The following NMUR1 variants were observed in gnomAD, a reference collection of about 807,000 sequenced individuals.
The protein encoded by NMUR1 is neuromedin-U receptor 1.
Under a neutral mutation model 18.8 loss-of-function variants are expected in NMUR1, and 16 were observed. That is an observed-to-expected ratio of 0.85 (90% confidence interval 0.58 to 1.29). NMUR1 has a LOEUF of 1.29. Ranked by LOEUF, NMUR1 falls within the 50% of genes most tolerant of loss-of-function variation. NMUR1 has a pLI of 0.00. For synonymous variants in NMUR1, 258 were observed against 258.2 expected (o/e 1.00, Z 0.01); for missense variants, 529 against 580.3 (o/e 0.91, Z 0.91).
chr2:231,529,022 G>A lies in NMUR1; in HGVS notation c.4-5C>T. 2 of 1,590,280 alleles carry A rather than the reference G, an allele frequency of 1.3e-6. No individual in the cohort carries two copies. Among genetic ancestry groups the A allele is most frequent in the Non-Finnish European group, 1.7e-6 (2 of 1,165,788 alleles). On this transcript the variant is annotated splice_polypyrimidine_tract_variant and splice_region_variant and intron_variant, in intron 1 of 2. Transcript: ENST00000305141. ...GCAATTGAGGCAGAGAGGAGTCTGT[G>A]GAACAGAGGGGAGAGATGCCCAGAA...
chr2:231,518,765 T>A (rs184549458), downstream of NMUR1, among the ~76,000 whole-genome samples: 18 of 152,320 alleles, frequency 1.2e-4, no homozygotes, highest in East Asian at 3.3e-3. Flanking sequence ...GCCAGGGAAG[T>A]CCACGCGCCA....
Position 231,530,441 on chromosome 2 carries a change from C to A in NMUR1, c.-80G>T. The A allele has an allele frequency of 1.4e-6, 2 of 1,394,040 alleles. No homozygotes were observed. Among genetic ancestry groups the A allele is most frequent in the South Asian group, 1.5e-5 (1 of 66,278 alleles). The allele number at this position is 1,394,040 out of a possible 1,614,324, so 86.4% of individuals were successfully genotyped here. A position where few individuals can be genotyped will look rare whatever the true frequency, so the allele number is the denominator to read the frequency against. On this transcript the variant is annotated 5_prime_UTR_variant, in exon 1 of 3. Transcript: ENST00000305141. ...CGCGGCGCGGGAGCCAGTGGACTGA[C>A]TGACAGCGGCCCCAGCCCGCGCCCC...
intron 2 of NMUR1, among the ~76,000 whole-genome samples, chr2:231,527,000 G>A (rs749780200): frequency 3.9e-5 from 6 of 152,072 alleles, no homozygotes; most frequent in African/African-American, 7.2e-5. Flanking sequence ...GACACGCCTC[G>A]GGATGGGGCT....
At position 231,528,124 on chromosome 2, in the gene NMUR1, C is replaced by T; in HGVS notation, c.897G>A (p.Leu299=). Residue 299 remains leucine, a splice_region_variant and synonymous_variant, in exon 2 of 3, where the codon CTG becomes CTA. Transcript: ENST00000305141. Reference sequence around the variant, plus strand: ...CCTCTTCCCAGCCGTGACACTTACACAGCATCTTGGTCACTTGTCTCCGGC... The same window carrying T: ...CCTCTTCCCAGCCGTGACACTTACATAGCATCTTGGTCACTTGTCTCCGGC... The part of the protein sequence containing the change: ...DRGRRQVTKM[L]FVLVVVFGIC... 1 of 1,543,052 alleles carries T rather than the reference C, an allele frequency of 6.5e-7. No homozygotes were observed. The highest frequency in any genetic ancestry group is 8.7e-7 in the Non-Finnish European group (1 of 1,143,264).
chr2:231,528,402 C>T lies in NMUR1; in HGVS notation c.619G>A (p.Val207Met), dbSNP rs768376009. Reference sequence around the variant, plus strand: ...TCTGGCACTGGGCCCCGGCAGGGCACGTGCAGCTGCCGGATGCCGTGCAGG... The same window carrying T: ...TCTGGCACTGGGCCCCGGCAGGGCATGTGCAGCTGCCGGATGCCGTGCAGG... The part of the protein sequence containing the change: ...TSLHGIRQLH[V>M]PCRGPVPDSA... Residue 207 changes from valine (V) to methionine (M), a missense_variant, in exon 2 of 3, where the codon GTG becomes ATG. Physicochemically the swap from Val to Met is conservative, Grantham distance 21. Coordinates refer to ENST00000305141, the MANE Select transcript of NMUR1 (RefSeq NM_006056.5). 7.4e-6 allele frequency: 12 copies of T among 1,613,696 alleles called. No individual in the cohort carries two copies. In the East Asian group the frequency reaches 1.8e-4, roughly 24 times the overall value.
chr2:231,523,423 C>CT lies in NMUR1; in HGVS notation c.*1619_*1620insA, dbSNP rs34275609. The CT allele has an allele frequency of 0.3, 100,516 of 337,376 alleles. 16,420 individuals are homozygous for CT. The highest frequency in any genetic ancestry group is 0.51 in the East Asian group (12,991 of 25,642). The allele number at this position is 337,376 out of a possible 1,614,324, so 20.9% of individuals were successfully genotyped here. On this transcript the variant is annotated 3_prime_UTR_variant, in exon 3 of 3. Coordinates refer to ENST00000305141, the MANE Select transcript of NMUR1 (RefSeq NM_006056.5). ...AAGAACTCCTCACTTGCCCTTCCCC[C>CT]ATTCCCTGGCAAGAGAGGTTTTACA...
intron 1 of NMUR1, among the ~76,000 whole-genome samples, chr2:231,529,892 G>GT (rs1428697627): frequency 6.6e-6 from 1 of 152,268 alleles, no homozygotes; most frequent in Non-Finnish European, 1.5e-5. Flanking sequence ...TGAGAGTCAA[G>GT]TGAGGGAGTG....
In NMUR1 at chr2:231,525,265, G is replaced by A. The variant is rs766587624; in HGVS notation, c.1059C>T (p.Pro353=). 1.9e-5 allele frequency: 30 copies of A among 1,614,054 alleles called. No individual in the cohort carries two copies. The highest frequency in any genetic ancestry group is 4.5e-5 in the East Asian group (2 of 44,880). The change falls in exon 3 of 3, where the codon CCC becomes CCT. Residue 353 remains proline (P), a synonymous_variant. Transcript: ENST00000305141. ...IFFYLGSAAN[P]VLYSLMSSRF... ...GGCTGGACATGAGGCTATAGAGCAC[G>A]GGGTTGGCCGCCGAGCCCAGGTAGA...
At chr2:231,522,284 C>T (rs2047312304), downstream of NMUR1, among the ~76,000 whole-genome samples, 1 of 136,070 alleles carries the variant, frequency 7.3e-6, no homozygotes, top group Admixed American at 8.1e-5. Context: ...CATGCCCGGC[C>T]CAGAGGGCAC....
At position 231,525,070 on chromosome 2, in the gene NMUR1, C is replaced by T; in HGVS notation, c.1254G>A (p.Glu418=). 6.3e-7 allele frequency: 1 copy of T among 1,596,066 alleles called. No homozygotes were observed. The highest frequency in any genetic ancestry group is 1.3e-5 in the African/African-American group (1 of 74,852). ...VHPLAGNDGP[E]AQQETDPS is the part of the protein sequence containing the mutation. The stretch of plus-strand genomic sequence containing the variant: ...AGGATGGATCGGTCTCTTGCTGCGC[C>T]TCTGGGCCATCGTTCCCAGCCAGGG... The change falls in exon 3 of 3, where the codon GAG becomes GAA. Residue 418 remains glutamate (E), a synonymous_variant. Coordinates refer to ENST00000305141, the MANE Select transcript of NMUR1 (RefSeq NM_006056.5).
Position 231,528,328 on chromosome 2 carries a change from T to C in NMUR1, c.693A>G (p.Val231=). ...LVRPRALYNM[V]VQTTALLFFC... is the part of the protein sequence containing the mutation. ...AGAAGAGCAGCGCGGTGGTCTGCACTACCATGTTGTAGAGGGCCCGTGGGC... is the reference window on the plus strand; with the variant it reads ...AGAAGAGCAGCGCGGTGGTCTGCACCACCATGTTGTAGAGGGCCCGTGGGC... Residue 231 remains valine, a synonymous_variant, in exon 2 of 3, where the codon GTA becomes GTG. Transcript: ENST00000305141. 1.2e-6 allele frequency: 2 copies of C among 1,613,278 alleles called. No individual in the cohort carries two copies. Among genetic ancestry groups the C allele is most frequent in the Non-Finnish European group, 1.7e-6 (2 of 1,179,490 alleles).
downstream of NMUR1, among the ~76,000 whole-genome samples, chr2:231,521,793 A>T (rs1447189611): frequency 2.6e-5 from 4 of 152,024 alleles, no homozygotes; most frequent in South Asian, 4.2e-4. Flanking sequence ...CCCCAGCATG[A>T]CCGGTGTTTT....
downstream of NMUR1, among the ~76,000 whole-genome samples, chr2:231,520,380 T>C (rs1364728557): frequency 6.6e-6 from 1 of 152,202 alleles, no homozygotes; most frequent in Non-Finnish European, 1.5e-5. Flanking sequence ...TGCGTCTTAG[T>C]GTCACTTGCT....
chr2:231,527,245 A>T (rs1487174660), intron 2 of NMUR1, among the ~76,000 whole-genome samples: 2 of 152,116 alleles, frequency 1.3e-5, no homozygotes, highest in East Asian at 3.9e-4. Flanking sequence ...GGGATTTTTC[A>T]CTCATCTCTA....
At chr2:231,529,608 T>C (rs2047396054) in intron 1 of NMUR1, among the ~76,000 whole-genome samples, 2 of 152,192 alleles carry the variant, frequency 1.3e-5, no homozygotes, top group Admixed American at 1.3e-4. Context: ...GCAATGATGC[T>C]AGATGAGGCA....
chr2:231,526,109 C>A (rs972900538), intron 2 of NMUR1, among the ~76,000 whole-genome samples: 2 of 150,734 alleles, frequency 1.3e-5, no homozygotes, highest in African/African-American at 4.8e-5. Context: ...CCCTCCCTAA[C>A]AAAAGGTAGG....
chr2:231,520,652 A>G (rs2047296790), downstream of NMUR1, among the ~76,000 whole-genome samples: 1 of 152,242 alleles, frequency 6.6e-6, no homozygotes, highest in Non-Finnish European at 1.5e-5. Context: ...CACGCTACAA[A>G]GAAATTTGGA....
Position 231,528,403 on chromosome 2 carries a change from G to C in NMUR1, c.618C>G (p.His206Gln). Reference protein sequence around the residue: ...NTSLHGIRQLHVPCRGPVPDS... With the variant: ...NTSLHGIRQLQVPCRGPVPDS... ...CTGGCACTGGGCCCCGGCAGGGCAC[G>C]TGCAGCTGCCGGATGCCGTGCAGGC... is the stretch of plus-strand genomic sequence containing the variant. The change falls in exon 2 of 3, where the codon CAC (histidine) becomes CAG (glutamine). Residue 206 changes from histidine to glutamine, a missense_variant. Physicochemically the swap from His to Gln is conservative, Grantham distance 24. Transcript: ENST00000305141. 1 of 1,613,692 alleles carries C rather than the reference G, an allele frequency of 6.2e-7. No individual in the cohort carries two copies. The highest frequency in any genetic ancestry group is 8.5e-7 in the Non-Finnish European group (1 of 1,179,930).
At chr2:231,525,483 C>A in intron 2 of NMUR1, 58 bp from the exon 3 acceptor site, 1 of 1,541,146 alleles carries the variant, frequency 6.5e-7, no homozygotes, top group African/African-American at 1.4e-5. Flanking sequence ...GCTGCCTTCC[C>A]GGGCTTCAGT....
Sources: allele counts gnomAD v4.1 joint callset (sites outside exome capture counted in the v4.1 genomes callset), GRCh38; gene constraint gnomAD v4.1.1; transcripts MANE v1.5; gene names NCBI Gene and HGNC (gene_info 2026-07-23, HGNC 2026-07-21).